Variants in PPP4R1 observed in about 807,000 individuals in gnomAD.
The protein encoded by PPP4R1 is serine/threonine-protein phosphatase 4 regulatory subunit 1.
A neutral mutation model predicts 111.2 loss-of-function variants in PPP4R1; 42 were observed. The ratio of observed to expected loss-of-function variants is 0.38; its 90% CI spans 0.29 to 0.49. The LOEUF (loss-of-function observed/expected upper bound fraction) is 0.49, where lower values mean the gene tolerates loss of function less well. Ranked by LOEUF, PPP4R1 falls within the 20% of genes least tolerant of loss-of-function variation. The pLI, the probability that PPP4R1 is intolerant of heterozygous loss-of-function variation, is 0.97. For synonymous variants in PPP4R1, 409 were observed against 405.5 expected (o/e 1.01, Z -0.10); for missense variants, 1,012 against 1,161.6 (o/e 0.87, Z 1.87).
intron 3 of PPP4R1, chr18:9,594,758 C>A (rs2067264882): frequency 5.3e-6 from 2 of 380,546 alleles, no homozygotes. Context: ...ATATGAATAC[C>A]AAAATTATGT....
In PPP4R1 at chr18:9,553,425, A is replaced by G. The variant is rs2066520220; in HGVS notation, c.2191-3T>C. 6.5e-7 allele frequency: 1 copy of G among 1,532,818 alleles called. No individual in the cohort carries two copies. The highest frequency in any genetic ancestry group is 1.1e-5 in the South Asian group (1 of 89,196). 95.0% of individuals were successfully genotyped at this position (1,532,818 alleles called of 1,614,324 possible). On this transcript the variant is annotated splice_polypyrimidine_tract_variant and splice_region_variant and intron_variant, in intron 15 of 19. Transcript: ENST00000400556. ...CTTCTTTTGTCAATATGAAGAAGCT[A>G]AAGTAACAAAATAAAAATATTTACC...
chr18:9,614,605 CGGGG>C, upstream of PPP4R1: 1 of 533,396 alleles, frequency 1.9e-6, no homozygotes, highest in Non-Finnish European at 2.4e-6. This position sits in a 1 kb window ranked among gnomAD's most constrained non-coding sequence, Gnocchi z 4.1. Context: ...GCCGGGCTGG[CGGGG>C]GCGCGCGCGC....
rs531048900 is a variant in PPP4R1, at chr18:9,593,103, A to T, written c.295+665T>A. 3.3e-5 allele frequency among the ~76,000 whole-genome samples: 5 copies of T among 152,288 alleles called. No individual in the cohort carries two copies. In the South Asian group the frequency reaches 1.0e-3, roughly 32 times the overall value. On this transcript the variant is annotated intron_variant, in intron 4 of 19. Transcript: ENST00000400556. ...CCAAAAAGTCTGTCAGAGGTAGAAA[A>T]TATACTTTAATAAAGATAATAGATT... is the stretch of plus-strand genomic sequence containing the variant.
In PPP4R1 at chr18:9,599,030, AAAAG is replaced by A. The variant is rs1199921739; in HGVS notation, c.53-3881_53-3878del. Among the ~76,000 whole-genome samples, 8 of 152,140 alleles carry A rather than the reference AAAAG, an allele frequency of 5.3e-5. No homozygotes were observed. In the South Asian group the frequency reaches 1.4e-3, roughly 28 times the overall value. Reference sequence around the variant, plus strand: ...GACAAAGCAAGACCCTGTCTCCAGAAAAAGAAAGAAAGAAAAAAAAAAGGTTAAT... The same window carrying A: ...GACAAAGCAAGACCCTGTCTCCAGAAAAAGAAAGAAAAAAAAAAGGTTAAT... On this transcript the variant is annotated intron_variant, in intron 2 of 19. Coordinates refer to ENST00000400556, the MANE Select transcript of PPP4R1 (RefSeq NM_001042388.3).
intron 10 of PPP4R1, 48 bp from the exon 11 acceptor site, chr18:9,570,731 T>C: frequency 6.7e-7 from 1 of 1,484,326 alleles, no homozygotes; most frequent in Middle Eastern, 1.8e-4. Flanking sequence ...AAAGGATAAT[T>C]ACTTTAAAAA....
intron 2 of PPP4R1, among the ~76,000 whole-genome samples, chr18:9,608,064 A>C (rs999122288): frequency 2.0e-5 from 3 of 152,138 alleles, no homozygotes. Flanking sequence ...GATTACAGGC[A>C]TAAGCCACCG....
rs1215983293 is a variant in PPP4R1, at chr18:9,547,904, G to C, written c.2738C>G (p.Thr913Ser). ...ASCHQEAVEQ[T>S]IMALQMDRDS... ...ACGGTCCATCTGAAGAGCCATGATG[G>C]TCTGCTCCACAGCCTCCTGGTGGCA... The change falls in exon 20 of 20, where the codon ACC becomes AGC. Residue 913 changes from threonine to serine, a missense_variant. Coordinates refer to ENST00000400556, the MANE Select transcript of PPP4R1 (RefSeq NM_001042388.3). The C allele has an allele frequency of 6.2e-7, 1 of 1,613,984 alleles. No homozygotes were observed. Among genetic ancestry groups the C allele is most frequent in the Non-Finnish European group, 8.5e-7 (1 of 1,180,028 alleles).
intron 16 of PPP4R1, 186 bp from the exon 17 acceptor site, chr18:9,550,584 C>T: frequency 1.6e-6 from 1 of 644,190 alleles, no homozygotes. Flanking sequence ...TGGAAATGCA[C>T]TTACATGCTA....
intron 16 of PPP4R1, chr18:9,551,385 T>G (rs1039703745): frequency 2.0e-5 from 3 of 152,316 alleles, no homozygotes; most frequent in African/African-American, 7.2e-5. Flanking sequence ...CAGCTCGAAT[T>G]GCAGTCAGCT....
chr18:9,607,380 CAG>C (rs2067499113), intron 2 of PPP4R1, among the ~76,000 whole-genome samples: 1 of 149,018 alleles, frequency 6.7e-6, no homozygotes, highest in South Asian at 2.1e-4. Flanking sequence ...AAAACAAAAA[CAG>C]AAACATGGAT....
In PPP4R1 at chr18:9,557,373, G is replaced by C; in HGVS notation, c.2038C>G (p.Arg680Gly). 6.3e-7 allele frequency: 1 copy of C among 1,599,914 alleles called. No homozygotes were observed. Among genetic ancestry groups the C allele is most frequent in the Non-Finnish European group, 8.5e-7 (1 of 1,176,224 alleles). ...TGGATGGAGAATGCTAGAGTTCGTC[G>C]AACTTTCCACTGCAGAAATGAAAAC... ...TLASDMQWKV[R>G]RTLAFSIHEL... The change falls in exon 15 of 20, where the codon CGA (arginine) becomes GGA (glycine). Residue 680 changes from arginine (R) to glycine (G), a missense_variant. Transcript: ENST00000400556.
chr18:9,550,213 G>A (rs1317848651), intron 17 of PPP4R1, 27 bp from the exon 18 acceptor site: 2 of 1,613,994 alleles, frequency 1.2e-6, no homozygotes, highest in East Asian at 2.2e-5. Context: ...GGAGAAATGA[G>A]GAACAGCTTC....
intron 15 of PPP4R1, among the ~76,000 whole-genome samples, chr18:9,554,784 G>A (rs1478830996): frequency 1.7e-4 from 26 of 152,196 alleles, no homozygotes; most frequent in Non-Finnish European, 1.5e-5. Context: ...GAAACTGAAA[G>A]TATTGATGCA....
At chr18:9,562,574 G>A (rs2066695645) in intron 12 of PPP4R1, among the ~76,000 whole-genome samples, 1 of 152,120 alleles carries the variant, frequency 6.6e-6, no homozygotes, top group Non-Finnish European at 1.5e-5. Context: ...CCAATAAATA[G>A]TCAGGGCTTC....
chr18:9,549,997 A>G, intron 18 of PPP4R1, 55 bp downstream of exon 18: 15 of 1,610,702 alleles, frequency 9.3e-6, no homozygotes, highest in Non-Finnish European at 1.2e-5. Context: ...AAGTTAAAGA[A>G]GACATTCTTC....
Position 9,559,619 on chromosome 18 carries a change from GA to G in PPP4R1, c.1843-16del. The G allele has an allele frequency of 6.5e-7, 1 of 1,548,934 alleles. No homozygotes were observed. Among genetic ancestry groups the G allele is most frequent in the Non-Finnish European group, 8.8e-7 (1 of 1,140,758 alleles). Reference sequence around the variant, plus strand: ...GGTACAACATCCTAATGGAGAAAGAGAAACCACAGTGACTGAGCAGCTGAGA... The same window carrying G: ...GGTACAACATCCTAATGGAGAAAGAGAACCACAGTGACTGAGCAGCTGAGA... On this transcript the variant is annotated splice_polypyrimidine_tract_variant and intron_variant, in intron 13 of 19. Coordinates refer to ENST00000400556, the MANE Select transcript of PPP4R1 (RefSeq NM_001042388.3).
chr18:9,560,156 T>C (rs1327824720), intron 13 of PPP4R1, among the ~76,000 whole-genome samples: 5 of 152,152 alleles, frequency 3.3e-5, no homozygotes, highest in Non-Finnish European at 5.9e-5. Flanking sequence ...GGCTCACACC[T>C]GTAGTTCCAG....
rs117560564 is a variant in PPP4R1, at chr18:9,598,351, T to C, written c.53-3198A>G. On this transcript the variant is annotated intron_variant, in intron 2 of 19. Transcript: ENST00000400556. ...CAATGAAACCCATGAGCAAGAAACA[T>C]GAAGAAAAGTATACCAAGGCACAAT... is the stretch of plus-strand genomic sequence containing the variant. Among the ~76,000 whole-genome samples, 735 of 152,112 alleles carry C rather than the reference T, an allele frequency of 4.8e-3. 3 individuals carry two copies. The highest frequency in any genetic ancestry group is 8.5e-3 in the Non-Finnish European group (578 of 67,978).
chr18:9,561,181 T>G (rs2066668407), intron 13 of PPP4R1, among the ~76,000 whole-genome samples: 1 of 150,784 alleles, frequency 6.6e-6, no homozygotes, highest in Non-Finnish European at 1.5e-5. Context: ...ATGGTGCCAC[T>G]GCACTCTAGC....
Sources: gnomAD v4.1 joint callset for allele counts (sites outside exome capture counted in the v4.1 genomes callset) on GRCh38, gnomAD v4.1.1 for gene constraint, Gnocchi (gnomAD v3.1) non-coding constraint, MANE v1.5 for transcripts, NCBI Gene and HGNC (gene_info 2026-07-23, HGNC 2026-07-21) for gene names.